The following DOCK5 variants were observed in gnomAD, a reference collection of about 807,000 sequenced individuals.
DOCK5 encodes the protein dedicator of cytokinesis 5.
Under a neutral mutation model 251.8 loss-of-function variants are expected in DOCK5, and 142 were observed. The ratio of observed to expected loss-of-function variants is 0.56; its 90% CI spans 0.49 to 0.65. DOCK5 has a LOEUF of 0.65. DOCK5 is among the 30% of genes least tolerant of loss of function. The pLI, the probability that DOCK5 is intolerant of heterozygous loss-of-function variation, is 0.00. For synonymous variants in DOCK5, 842 were observed against 835.5 expected (o/e 1.01, Z -0.13); for missense variants, 2,111 against 2,312.3 (o/e 0.91, Z 1.79).
At chr8:25,382,559 A>T in intron 39 of DOCK5, 115 bp from the exon 40 acceptor site, 1 of 834,552 alleles carries the variant, frequency 1.2e-6, no homozygotes, top group Non-Finnish European at 1.9e-6. Context: ...GTGTTTTCCA[A>T]AGACCTTTCA....
intron 26 of DOCK5, among the ~76,000 whole-genome samples, chr8:25,347,182 G>A (rs191881341): frequency 2.6e-5 from 4 of 152,254 alleles, no homozygotes; most frequent in East Asian, 1.9e-4. Context: ...GTCCACCACC[G>A]TTTGACTACA....
At chr8:25,292,236 T>A in intron 6 of DOCK5, 64 bp downstream of exon 6, 1 of 1,452,952 alleles carries the variant, frequency 6.9e-7, no homozygotes, top group Non-Finnish European at 9.1e-7. Context: ...TTCACGCTAA[T>A]GACACTGTTT....
At position 25,230,379 on chromosome 8, in the gene DOCK5, C is replaced by T. The variant is rs145054343; in HGVS notation, c.44-13295C>T. 6.6e-3 allele frequency among the ~76,000 whole-genome samples: 1,005 copies of T among 152,242 alleles called. 12 individuals are homozygous for T. Among genetic ancestry groups the T allele is most frequent in the Non-Finnish European group, 8.1e-3 (548 of 68,002 alleles). ...TTGGAGGAAGCCTCTCACGTAATTCCGATGTGTGCTAAACGTCGCGAACCA... is the reference window on the plus strand; with the variant it reads ...TTGGAGGAAGCCTCTCACGTAATTCTGATGTGTGCTAAACGTCGCGAACCA... On this transcript the variant is annotated intron_variant, in intron 1 of 51. Transcript: ENST00000276440.
intron 35 of DOCK5, among the ~76,000 whole-genome samples, chr8:25,373,097 T>C (rs890453475): frequency 3.3e-5 from 5 of 151,606 alleles, no homozygotes; most frequent in African/African-American, 1.2e-4. Flanking sequence ...CCTCCTGGGA[T>C]CAAGCAATTT....
Position 25,325,370 on chromosome 8 carries a change from A to G in DOCK5, c.1726A>G (p.Asn576Asp). 1 of 1,613,504 alleles carries G rather than the reference A, an allele frequency of 6.2e-7. No individual in the cohort carries two copies. Residue 576 changes from asparagine to aspartate, a missense_variant, in exon 18 of 52, where the codon AAC becomes GAC. Around this residue, in one of 3 missense-constraint regions of DOCK5, gnomAD observed 1,717 missense variants for 1,892.4 expected, o/e 0.91. Coordinates refer to ENST00000276440, the MANE Select transcript of DOCK5 (RefSeq NM_024940.8). ...CTAACATGCTTCCTTTTAGGGTGAC[A>G]ACAAAAAAATGGAAGATGCTAAATT... ...RHDLVVYKGDNKKMEDAKFYL... is the reference protein window; with the variant it reads ...RHDLVVYKGDDKKMEDAKFYL...
rs1157170402 is a variant in DOCK5 at position 25,197,024 on chromosome 8, C to A, written c.43+12073C>A. The stretch of plus-strand genomic sequence containing the variant: ...GACCAGCCTGGGCAACATAGTGAGA[C>A]CCTGTCTATTATTTAAAAAAAAAAT... On this transcript the variant is annotated intron_variant, in intron 1 of 51. Transcript: ENST00000276440. Among the ~76,000 whole-genome samples the A allele has an allele frequency of 2.2e-4, 29 of 133,020 alleles. No homozygotes were observed. In the Admixed American group the frequency reaches 2.3e-3, roughly 11 times the overall value. The allele number at this position is 133,020 out of a possible 152,430, so 87.3% of individuals were successfully genotyped here.
In DOCK5 at chr8:25,352,015, C is replaced by G. The variant is rs373119775; in HGVS notation, c.2850+189C>G. ...TTTCTGTTGAGAGAAAATAATCCAG[C>G]CTAGGCAATATAGTGAGACCCCATC... On this transcript the variant is annotated intron_variant, in intron 27 of 51. Coordinates refer to ENST00000276440, the MANE Select transcript of DOCK5 (RefSeq NM_024940.8). 3.3e-5 allele frequency among the ~76,000 whole-genome samples: 5 copies of G among 151,904 alleles called. No homozygotes were observed. In the South Asian group the frequency reaches 1.0e-3, roughly 32 times the overall value.
At chr8:25,322,900 G>T (rs573542784) in intron 16 of DOCK5, among the ~76,000 whole-genome samples, 3 of 152,176 alleles carry the variant, frequency 2.0e-5, no homozygotes, top group Non-Finnish European at 4.4e-5. Flanking sequence ...GGAGGGGTTG[G>T]TCTATGTTCA....
At chr8:25,313,357 G>A (rs1010893454) in intron 13 of DOCK5, among the ~76,000 whole-genome samples, 2 of 152,124 alleles carry the variant, frequency 1.3e-5, no homozygotes, top group Non-Finnish European at 1.5e-5. Context: ...CATCTGATGG[G>A]AGTTTTCTAG....
At chr8:25,382,508 C>T (rs1801085495) in intron 39 of DOCK5, among the ~76,000 whole-genome samples, 166 bp from the exon 40 acceptor site, 1 of 152,178 alleles carries the variant, frequency 6.6e-6, no homozygotes, top group South Asian at 2.1e-4. Flanking sequence ...AGGTCCAAAA[C>T]CTGTGATCCG....
intron 18 of DOCK5, among the ~76,000 whole-genome samples, chr8:25,331,270 C>CACACAT (rs1554487136): frequency 2.7e-5 from 4 of 146,482 alleles, no homozygotes; most frequent in Admixed American, 6.8e-5. Context: ...CACACACACA[C>CACACAT]ATATATGTGT....
chr8:25,278,772 G>C (rs1457296722), intron 5 of DOCK5, 107 bp downstream of exon 5: 1 of 986,482 alleles, frequency 1.0e-6, no homozygotes, highest in Non-Finnish European at 1.6e-6. Flanking sequence ...GGAGTGGGAT[G>C]CATTCTCCCT....
chr8:25,383,505 A>G (rs1036504618), intron 40 of DOCK5, among the ~76,000 whole-genome samples: 20 of 152,112 alleles, frequency 1.3e-4, no homozygotes, highest in Non-Finnish European at 2.8e-4. Context: ...CCCTACTCTC[A>G]TGGATTTTAC....
intron 2 of DOCK5, among the ~76,000 whole-genome samples, chr8:25,245,351 C>T (rs747521258): frequency 7.9e-5 from 12 of 152,250 alleles, no homozygotes; most frequent in Non-Finnish European, 7.4e-5. Flanking sequence ...TCACTGCGCC[C>T]GGCCTACAGC....
intron 21 of DOCK5, 118 bp from the exon 22 acceptor site, chr8:25,336,121 A>G (rs1799926544): frequency 2.6e-5 from 29 of 1,108,230 alleles, no homozygotes; most frequent in Middle Eastern, 2.8e-4. Context: ...ATTCTAGAAG[A>G]TATAATTAGT....
chr8:25,410,747 G>T (rs559812107), intron 51 of DOCK5, among the ~76,000 whole-genome samples: 3 of 149,542 alleles, frequency 2.0e-5, no homozygotes, highest in Non-Finnish European at 4.4e-5. Flanking sequence ...GATTACAGAT[G>T]TGAGCCACTG....
chr8:25,346,715 T>C lies in DOCK5; in HGVS notation c.2754+1104T>C, dbSNP rs533531137. 3.4e-5 allele frequency among the ~76,000 whole-genome samples: 5 copies of C among 147,930 alleles called. No homozygotes were observed. The East Asian group carries it at 1.0e-3, about 30-fold the overall frequency. The stretch of plus-strand genomic sequence containing the variant: ...GGCACGCGCCTATAGTCCCAGCTAC[T>C]CGGGAGGCCGAGGCAGGAGAATCCC... On this transcript the variant is annotated intron_variant, in intron 26 of 51. Transcript: ENST00000276440.
chr8:25,317,226 G>C (rs533003306), intron 14 of DOCK5, 95 bp downstream of exon 14: 2 of 1,531,426 alleles, frequency 1.3e-6, no homozygotes, highest in Non-Finnish European at 1.8e-6. Context: ...TTTGCATCAG[G>C]ATGGGTTTGA....
chr8:25,342,297 A>C, intron 24 of DOCK5, 104 bp from the exon 25 acceptor site: 2 of 817,846 alleles, frequency 2.4e-6, no homozygotes. Context: ...TTTTCCAGGT[A>C]AATCTCTCCA....
Sources: gnomAD v4.1 joint callset for allele counts (sites outside exome capture counted in the v4.1 genomes callset) on GRCh38, gnomAD v4.1.1 for gene constraint, gnomAD v4.1.1 regional missense constraint, MANE v1.5 for transcripts, NCBI Gene and HGNC (gene_info 2026-07-23, HGNC 2026-07-21) for gene names.